The following ADAMTS19 variants were observed in gnomAD, a reference collection of about 807,000 sequenced individuals.
ADAMTS19 encodes A disintegrin and metalloproteinase with thrombospondin motifs 19.
In ADAMTS19, 93 loss-of-function variants were observed where a neutral mutation model predicts 153.3. The observed-to-expected ratio is 0.61, with a 90% CI of 0.51 to 0.72. The LOEUF is 0.72. Among genes scored for constraint, ADAMTS19 ranks in the 30% least tolerant of loss-of-function variants. The pLI is 0.00. For synonymous variants in ADAMTS19, 600 were observed against 556.6 expected, an observed-to-expected ratio of 1.08 and a Z score of -1.10; for missense variants, 1,482 against 1,552.1, an observed-to-expected ratio of 0.95 and a Z score of 0.76.
At chr5:129,493,517 T>TA (rs959629972) in intron 2 of ADAMTS19, among the ~76,000 whole-genome samples, 7 of 151,934 alleles carry the variant, frequency 4.6e-5, no homozygotes, top group Non-Finnish European at 4.4e-5. Context: ...TGTAATTTTT[T>TA]AAAAAAGTAA....
chr5:129,533,993 G>A (rs1752312781), intron 6 of ADAMTS19, among the ~76,000 whole-genome samples: 1 of 152,082 alleles, frequency 6.6e-6, no homozygotes, highest in Admixed American at 6.6e-5. Context: ...TTTTATATTT[G>A]CTGAGGAGTG....
At chr5:129,650,967 T>C (rs1023691983) in intron 13 of ADAMTS19, among the ~76,000 whole-genome samples, 3 of 152,118 alleles carry the variant, frequency 2.0e-5, no homozygotes, top group Non-Finnish European at 4.4e-5. Context: ...TAGTTTCCCA[T>C]CCTCTTCTTA....
intron 21 of ADAMTS19, among the ~76,000 whole-genome samples, chr5:129,717,398 A>G (rs1436814216): frequency 2.0e-5 from 3 of 152,162 alleles, no homozygotes; most frequent in African/African-American, 4.8e-5. Flanking sequence ...CTAAGATTTC[A>G]TATATTTTAC....
chr5:129,592,115 C>T (rs77352767), intron 7 of ADAMTS19, among the ~76,000 whole-genome samples: 6,676 of 152,110 alleles, frequency 0.044, 464 homozygotes, highest in African/African-American at 0.15. Context: ...CAGTGGCTCA[C>T]GTTTGTAATC....
At chr5:129,614,603 G>A (rs1347517205) in intron 8 of ADAMTS19, among the ~76,000 whole-genome samples, 3 of 152,088 alleles carry the variant, frequency 2.0e-5, no homozygotes, top group Non-Finnish European at 2.9e-5. Flanking sequence ...AAAACTGGAA[G>A]CATTCCCTTT....
chr5:129,466,753 C>T (rs191587336), intron 2 of ADAMTS19, among the ~76,000 whole-genome samples: 13 of 152,220 alleles, frequency 8.5e-5, no homozygotes, highest in East Asian at 7.7e-4. Context: ...TGCCGTTATA[C>T]GCTACCTATC....
intron 4 of ADAMTS19, among the ~76,000 whole-genome samples, chr5:129,527,311 G>A (rs1237882719): frequency 6.6e-6 from 1 of 150,934 alleles, no homozygotes; most frequent in Non-Finnish European, 1.5e-5. Context: ...GCTGATGTAA[G>A]GATAAATATA....
intron 8 of ADAMTS19, among the ~76,000 whole-genome samples, chr5:129,613,342 A>G (rs1751329003): frequency 6.6e-6 from 1 of 152,216 alleles, no homozygotes; most frequent in Non-Finnish European, 1.5e-5. Flanking sequence ...TGTCTCTCAG[A>G]CCACAGTGCA....
chr5:129,570,044 T>C (rs1235193437), intron 7 of ADAMTS19, among the ~76,000 whole-genome samples: 3 of 151,966 alleles, frequency 2.0e-5, no homozygotes, highest in Non-Finnish European at 4.4e-5. Context: ...CCAAAAGAAT[T>C]CTCCTAAATC....
intron 2 of ADAMTS19, among the ~76,000 whole-genome samples, chr5:129,507,662 G>A (rs560777189): frequency 8.7e-4 from 103 of 117,800 alleles, no homozygotes; most frequent in Non-Finnish European, 1.2e-3. Context: ...GCCTGTGTAC[G>A]TGTGTGTGTG....
At chr5:129,658,361 GAA>G (rs1221254489) in intron 14 of ADAMTS19, among the ~76,000 whole-genome samples, 21 of 150,318 alleles carry the variant, frequency 1.4e-4, no homozygotes, top group South Asian at 4.2e-4. Context: ...AAGAAAGAAA[GAA>G]AGAAAGAGAG....
chr5:129,502,286 G>T (rs983911435), intron 2 of ADAMTS19, among the ~76,000 whole-genome samples: 2 of 152,104 alleles, frequency 1.3e-5, no homozygotes, highest in African/African-American at 4.8e-5. Context: ...CTGAAGTTTG[G>T]TGATTTGGGG....
chr5:129,723,421 T>C (rs1312166879), intron 21 of ADAMTS19, among the ~76,000 whole-genome samples: 1 of 152,194 alleles, frequency 6.6e-6, no homozygotes, highest in African/African-American at 2.4e-5. Context: ...TTTAAGAAGG[T>C]ATATTTCATT....
chr5:129,654,757 T>G (rs1323932613), intron 14 of ADAMTS19, among the ~76,000 whole-genome samples: 1 of 152,090 alleles, frequency 6.6e-6, no homozygotes, highest in Non-Finnish European at 1.5e-5. Context: ...GACCAAAAAT[T>G]CAAGCACTCT....
chr5:129,510,257 G>A (rs1380572178), intron 3 of ADAMTS19, among the ~76,000 whole-genome samples: 4 of 151,636 alleles, frequency 2.6e-5, no homozygotes, highest in Admixed American at 6.6e-5. Context: ...AGAGACCAGA[G>A]GATGTCTATA....
intron 14 of ADAMTS19, among the ~76,000 whole-genome samples, chr5:129,655,739 G>C (rs1753519739): frequency 6.6e-6 from 1 of 152,120 alleles, no homozygotes; most frequent in Non-Finnish European, 1.5e-5. Flanking sequence ...GTACTTCTGG[G>C]TAAGAAGCTG....
chr5:129,476,216 G>T (rs1750220618), intron 2 of ADAMTS19, among the ~76,000 whole-genome samples: 1 of 151,960 alleles, frequency 6.6e-6, no homozygotes, highest in Admixed American at 6.6e-5. Flanking sequence ...CCATATTACA[G>T]TATTTAAAAT....
chr5:129,545,402 G>C (rs1169183868), intron 6 of ADAMTS19, among the ~76,000 whole-genome samples: 4 of 152,098 alleles, frequency 2.6e-5, no homozygotes, highest in Admixed American at 6.6e-5. Flanking sequence ...ATACACAAAG[G>C]TGCCTGAGCA....
chr5:129,659,410 A>G (rs1487367246), intron 15 of ADAMTS19, among the ~76,000 whole-genome samples: 2 of 152,272 alleles, frequency 1.3e-5, no homozygotes, highest in Admixed American at 6.5e-5. Flanking sequence ...TGATCCCAAA[A>G]TGTGCTTTAT....
Sources: allele counts gnomAD v4.1 joint callset (sites outside exome capture counted in the v4.1 genomes callset), GRCh38; gene constraint gnomAD v4.1.1; transcripts MANE v1.5; gene names NCBI Gene and HGNC (gene_info 2026-07-23, HGNC 2026-07-21).